The following CYREN variants were observed in gnomAD, a reference collection of about 807,000 sequenced individuals.
CYREN encodes the protein cell cycle regulator of non-homologous end joining.
Under a neutral mutation model 9.7 loss-of-function variants are expected in CYREN, and 7 were observed. The ratio of observed to expected loss-of-function variants is 0.72; its 90% CI spans 0.41 to 1.36. The LOEUF (loss-of-function observed/expected upper bound fraction) is 1.36. Among genes scored for constraint, CYREN ranks in the 40% most tolerant of loss-of-function variants. The probability of loss-of-function intolerance (pLI) is 0.01; values close to 1 mark genes in which losing one functional copy is unlikely to be tolerated. For synonymous variants in CYREN, 76 were observed against 77.9 expected, an observed-to-expected ratio of 0.98 and a Z score of 0.13; for missense variants, 215 against 198.1, an observed-to-expected ratio of 1.09 and a Z score of -0.51.
rs746248727 is a variant in CYREN, at chr7:135,166,835, G to C, written c.250C>G (p.Leu84Val). 4.3e-6 allele frequency: 7 copies of C among 1,614,012 alleles called. No individual in the cohort carries two copies. In the South Asian group the frequency reaches 6.6e-5, roughly 15 times the overall value. Residue 84 changes from leucine to valine, a missense_variant, in exon 4 of 4, where the codon CTG becomes GTG. By Grantham distance (32) the Leu-to-Val change is conservative. Coordinates refer to ENST00000393114, the MANE Select transcript of CYREN (RefSeq NM_024033.4). ...KQEKACEQPA[L>V]AGADNPEHSP... ...TGCTCTGGGTTATCAGCCCCCGCCA[G>C]GGCCGGCTGCTCGCAGGCCTTTTCC...
At position 135,119,853 on chromosome 7, in the gene CYREN, G is replaced by C. The variant is rs184047910; in HGVS notation, n.357-25271C>G. 2.5e-3 allele frequency among the ~76,000 whole-genome samples: 386 copies of C among 152,224 alleles called. 1 individual carries two copies. Among genetic ancestry groups the C allele is most frequent in the African/African-American group, 8.7e-3 (361 of 41,538 alleles). On this transcript the variant is annotated intron_variant and non_coding_transcript_variant, in intron 2 of 2. Coordinates refer to the CYREN transcript ENST00000459937. Reference sequence around the variant, plus strand: ...GATCGTGCCACTGCACTCCAGCCTGGGTGACAGAGCGAGACTCCGTCTCAA... The same window carrying C: ...GATCGTGCCACTGCACTCCAGCCTGCGTGACAGAGCGAGACTCCGTCTCAA...
intron 2 of CYREN, among the ~76,000 whole-genome samples, chr7:135,098,313 T>C (rs1823231697): frequency 6.6e-6 from 1 of 152,204 alleles, no homozygotes; most frequent in Non-Finnish European, 1.5e-5. Context: ...TGTTTGCATA[T>C]AACCTATGCA....
At chr7:135,114,880 T>C (rs537730787) in intron 2 of CYREN, among the ~76,000 whole-genome samples, 1 of 152,268 alleles carries the variant, frequency 6.6e-6, no homozygotes, top group Admixed American at 6.5e-5. Context: ...AAAATCAAAG[T>C]CCTTCTACTG....
rs1194775838 is a variant in CYREN at position 135,151,171 on chromosome 7, G to A, written n.356+17578C>T. On this transcript the variant is annotated intron_variant and non_coding_transcript_variant, in intron 2 of 2. Transcript: ENST00000459937. The surrounding 1 kb of genome is among the most constrained non-coding windows in gnomAD (Gnocchi z 4.3). Reference sequence around the variant, plus strand: ...TAATTAAGTAAATCAAAACATCACAGCATTCATTAAAAACTTGGTGGTTGG... The same window carrying A: ...TAATTAAGTAAATCAAAACATCACAACATTCATTAAAAACTTGGTGGTTGG... Among the ~76,000 whole-genome samples the A allele has an allele frequency of 6.6e-6, 1 of 152,156 alleles. No homozygotes were observed. The highest frequency in any genetic ancestry group is 1.9e-4 in the East Asian group (1 of 5,202).
At chr7:135,156,998 G>A (rs1173003969) in intron 2 of CYREN, among the ~76,000 whole-genome samples, 1 of 152,180 alleles carries the variant, frequency 6.6e-6, no homozygotes, top group African/African-American at 2.4e-5. Context: ...TATAAGAAGT[G>A]TGTTTCACCT....
chr7:135,141,033 C>T (rs144589485), intron 2 of CYREN, among the ~76,000 whole-genome samples: 173 of 152,094 alleles, frequency 1.1e-3, no homozygotes, highest in African/African-American at 3.8e-3. Flanking sequence ...TTCATTGTGC[C>T]TCTGCCAGGT....
intron 2 of CYREN, among the ~76,000 whole-genome samples, chr7:135,122,754 G>A (rs1827320414): frequency 6.6e-6 from 1 of 152,102 alleles, no homozygotes; most frequent in African/African-American, 2.4e-5. Flanking sequence ...CAGATGACGA[G>A]GGCCTGAAGT....
At position 135,151,821 on chromosome 7, in the gene CYREN, GTCA is replaced by G. The variant is rs1297566121; in HGVS notation, n.356+16925_356+16927del. The stretch of plus-strand genomic sequence containing the variant: ...TGACAGAACGACGACATGCTCCCAG[GTCA>G]TCTGGCTCTAAAACCCATGCTCCTT... On this transcript the variant is annotated intron_variant and non_coding_transcript_variant, in intron 2 of 2. Transcript: ENST00000459937. This position sits in a 1 kb window ranked among gnomAD's most constrained non-coding sequence, Gnocchi z 4.3. Among the ~76,000 whole-genome samples, 4 of 152,252 alleles carry G rather than the reference GTCA, an allele frequency of 2.6e-5. No homozygotes were observed. The East Asian group carries it at 7.7e-4, about 29-fold the overall frequency.
chr7:135,097,721 T>C (rs1823121800), intron 2 of CYREN, among the ~76,000 whole-genome samples: 1 of 152,094 alleles, frequency 6.6e-6, no homozygotes, highest in Non-Finnish European at 1.5e-5. Flanking sequence ...CTTCTGACTT[T>C]ATGGAAATGG....
intron 2 of CYREN, among the ~76,000 whole-genome samples, chr7:135,096,353 A>AAG (rs1211651160): frequency 1.6e-3 from 243 of 149,794 alleles, no homozygotes; most frequent in African/African-American, 5.7e-3. Flanking sequence ...GAAAGAAAGA[A>AAG]AGAGAGAGAC....
rs548795380 is a variant in CYREN at position 135,146,861 on chromosome 7, A to G, written n.356+21888T>C. On this transcript the variant is annotated intron_variant and non_coding_transcript_variant, in intron 2 of 2. Coordinates refer to the CYREN transcript ENST00000459937. Reference sequence around the variant, plus strand: ...GGACTGCCGATTTTCGTAAGTTTTGAAAAACTGACTCTTTGAAAACTAGGT... The same window carrying G: ...GGACTGCCGATTTTCGTAAGTTTTGGAAAACTGACTCTTTGAAAACTAGGT... Among the ~76,000 whole-genome samples, 270 of 152,324 alleles carry G rather than the reference A, an allele frequency of 1.8e-3. 2 individuals are homozygous for G. Among genetic ancestry groups the G allele is most frequent in the Middle Eastern group, 0.014 (4 of 294 alleles).
chr7:135,119,234 AT>A (rs965976239), intron 2 of CYREN, among the ~76,000 whole-genome samples: 134 of 148,034 alleles, frequency 9.1e-4, no homozygotes, highest in East Asian at 2.4e-3. Flanking sequence ...CAAAATTTAA[AT>A]TTTTTTTTTT....
At chr7:135,094,545 C>T (rs956617521) in exon 3 of CYREN, 2 of 456,510 alleles carry the variant, frequency 4.4e-6, no homozygotes, top group Admixed American at 2.3e-5. Context: ...GGAATCCCAC[C>T]AGGTTCTCAT....
Position 135,143,654 on chromosome 7 carries a change from T to TA in CYREN, n.356+25094dup, listed in dbSNP as rs539117207. Among the ~76,000 whole-genome samples the TA allele has an allele frequency of 3.2e-3, 472 of 149,656 alleles. 3 individuals are homozygous for TA. Among genetic ancestry groups the TA allele is most frequent in the African/African-American group, 9.4e-3 (386 of 40,912 alleles). On this transcript the variant is annotated intron_variant and non_coding_transcript_variant, in intron 2 of 2. Transcript: ENST00000459937. ...GAAATGAAGTGTTTAATATTGAATT[T>TA]AAAAAAAAAATGGGCAGAGATCCAG... is the stretch of plus-strand genomic sequence containing the variant.
chr7:135,145,826 C>T (rs1420953074), intron 2 of CYREN, among the ~76,000 whole-genome samples: 3 of 152,114 alleles, frequency 2.0e-5, no homozygotes, highest in South Asian at 2.1e-4. Context: ...GCAAATCACA[C>T]GAATTTCTGG....
chr7:135,109,055 A>AT (rs2117113105), intron 2 of CYREN, among the ~76,000 whole-genome samples: 1 of 152,082 alleles, frequency 6.6e-6, no homozygotes, highest in African/African-American at 2.4e-5. Flanking sequence ...GTTCTTTTTT[A>AT]TACTGCCTAT....
chr7:135,168,475 T>C (rs1213625028), intron 2 of CYREN: 1 of 431,084 alleles, frequency 2.3e-6, no homozygotes, highest in Non-Finnish European at 4.2e-6. Flanking sequence ...ACCATGTTTG[T>C]TGTAAAGGAA....
At chr7:135,107,209 C>A (rs562983157) in intron 2 of CYREN, among the ~76,000 whole-genome samples, 8 of 152,098 alleles carry the variant, frequency 5.3e-5, no homozygotes, top group African/African-American at 1.9e-4. Flanking sequence ...ATGTCTCAGT[C>A]TCCTCCACTT....
In CYREN at chr7:135,168,782, G is replaced by C; in HGVS notation, c.137+4C>G. On this transcript the variant is annotated splice_donor_region_variant and intron_variant, in intron 2 of 3. Transcript: ENST00000393114. ...CAGGAGTCTTCTGACCAGAGCTGTC[G>C]CACCTTGCTGCTGCCACTGGCACTG... 6.2e-7 allele frequency: 1 copy of C among 1,613,534 alleles called. No homozygotes were observed. Among genetic ancestry groups the C allele is most frequent in the Non-Finnish European group, 8.5e-7 (1 of 1,179,744 alleles).
Sources: allele counts gnomAD v4.1 joint callset (sites outside exome capture counted in the v4.1 genomes callset), GRCh38; gene constraint gnomAD v4.1.1; non-coding constraint Gnocchi (gnomAD v3.1); transcripts MANE v1.5; gene names NCBI Gene and HGNC (gene_info 2026-07-23, HGNC 2026-07-21).